SLC7A14: variants seen among roughly 807,000 people sequenced by gnomAD.
The protein encoded by SLC7A14 is gamma-aminobutyric acid transporter SLC7A14.
Under a neutral mutation model 60.2 loss-of-function variants are expected in SLC7A14, and 37 were observed. That is an observed-to-expected ratio of 0.61 (90% CI 0.47 to 0.81). SLC7A14 has a LOEUF of 0.81. Ranked by LOEUF, SLC7A14 falls within the 30% of genes least tolerant of loss-of-function variation. The probability of loss-of-function intolerance (pLI) is 0.00; values close to 1 mark genes in which losing one functional copy is unlikely to be tolerated. For missense variants in SLC7A14, 886 were observed against 982.7 expected, an observed-to-expected ratio of 0.90 and a Z score of 1.32; for synonymous variants, 399 against 395.8, an observed-to-expected ratio of 1.01 and a Z score of -0.10.
chr3:170,461,682 T>G lies in SLC7A14; in HGVS notation c.*5373A>C, dbSNP rs943054422. The G allele has an allele frequency of 6.6e-6, 1 of 152,300 alleles. No homozygotes were observed. The highest frequency in any genetic ancestry group is 6.5e-5 in the Admixed American group (1 of 15,278). The allele number at this position is 152,300 out of a possible 1,614,324, so 9.4% of individuals were successfully genotyped here. ...GGATGCTGTTTCTGCACTTGCTCAC[T>G]GTTGAATTTCAAATACTCTTTCGTG... On this transcript the variant is annotated 3_prime_UTR_variant, in exon 8 of 8. Coordinates refer to ENST00000231706, the MANE Select transcript of SLC7A14 (RefSeq NM_020949.3).
At chr3:170,542,195 G>A (rs1466718208) in intron 1 of SLC7A14, among the ~76,000 whole-genome samples, 5 of 152,142 alleles carry the variant, frequency 3.3e-5, no homozygotes, top group African/African-American at 1.2e-4. Context: ...CACAAAGCTC[G>A]AGCCAACATC....
In SLC7A14 at chr3:170,551,037, A is replaced by T. The variant is rs142583864; in HGVS notation, c.-152-23949T>A. On this transcript the variant is annotated intron_variant, in intron 1 of 7. Coordinates refer to ENST00000231706, the MANE Select transcript of SLC7A14 (RefSeq NM_020949.3). The stretch of plus-strand genomic sequence containing the variant: ...CCCCCTCAAAAATCCCATACCCATG[A>T]GCAGTTACTCTCCATTGCTCCTCCC... Among the ~76,000 whole-genome samples, 257 of 152,274 alleles carry T rather than the reference A, an allele frequency of 1.7e-3. 2 individuals are homozygous for T. The highest frequency in any genetic ancestry group is 5.8e-3 in the African/African-American group (241 of 41,554).
In SLC7A14 at chr3:170,461,584, G is replaced by T. The variant is rs1369801579; in HGVS notation, c.*5471C>A. 1.3e-5 allele frequency: 2 copies of T among 152,230 alleles called. No individual in the cohort carries two copies. The highest frequency in any genetic ancestry group is 2.4e-5 in the African/African-American group (1 of 41,464). 9.4% of individuals were successfully genotyped at this position (152,230 alleles called of 1,614,324 possible). On this transcript the variant is annotated 3_prime_UTR_variant, in exon 8 of 8. Transcript: ENST00000231706. The stretch of plus-strand genomic sequence containing the variant: ...TTTGCTACCCATCCCCATTCCCAGC[G>T]AGAAATACTAAGTAAACTCCTTGGT...
chr3:170,560,710 C>T (rs1714623986), intron 1 of SLC7A14, among the ~76,000 whole-genome samples: 2 of 152,112 alleles, frequency 1.3e-5, no homozygotes, highest in African/African-American at 2.4e-5. Context: ...AAATGTGACC[C>T]GGCATTTGCA....
chr3:170,497,719 T>A (rs576457212), intron 4 of SLC7A14, among the ~76,000 whole-genome samples: 1 of 152,346 alleles, frequency 6.6e-6, no homozygotes, highest in Admixed American at 6.5e-5. Flanking sequence ...ATTTCACCAA[T>A]AAATCCACAA....
chr3:170,512,579 C>T (rs1006130943), intron 2 of SLC7A14, among the ~76,000 whole-genome samples: 1 of 151,462 alleles, frequency 6.6e-6, no homozygotes, highest in Non-Finnish European at 1.5e-5. Flanking sequence ...CTTCTCCTCT[C>T]CCCTTTTCTA....
chr3:170,461,225 T>C lies in SLC7A14; in HGVS notation c.*5830A>G, dbSNP rs1443373479. The C allele has an allele frequency of 1.3e-5, 2 of 152,236 alleles. No homozygotes were observed. The highest frequency in any genetic ancestry group is 2.4e-5 in the African/African-American group (1 of 41,446). 9.4% of individuals were successfully genotyped at this position (152,236 alleles called of 1,614,324 possible). A position where few individuals can be genotyped will look rare whatever the true frequency, so the allele number is the denominator to read the frequency against. On this transcript the variant is annotated 3_prime_UTR_variant, in exon 8 of 8. Transcript: ENST00000231706. ...CACTGCGCCCGGCCCAGTTTAATGA[T>C]TTTGTACACTGTTTTAGTTGATACT...
In SLC7A14 at chr3:170,532,638, C is replaced by G. The variant is rs1236174617; in HGVS notation, c.-152-5550G>C. Among the ~76,000 whole-genome samples the G allele has an allele frequency of 2.0e-5, 3 of 151,776 alleles. No individual in the cohort carries two copies. Among genetic ancestry groups the G allele is most frequent in the Non-Finnish European group, 4.4e-5 (3 of 67,980 alleles). ...ATAGTGCATGCTGTGGGAGCGTTAG[C>G]TAGCATCACCCTGCTGTGGCCCCTG... On this transcript the variant is annotated intron_variant, in intron 1 of 7. Transcript: ENST00000231706. The surrounding 1 kb of genome is among the most constrained non-coding windows in gnomAD (Gnocchi z 4.0).
chr3:170,480,694 G>A lies in SLC7A14; in HGVS notation c.1588C>T (p.Leu530Phe). 1 of 1,614,238 alleles carries A rather than the reference G, an allele frequency of 6.2e-7. No homozygotes were observed. The highest frequency in any genetic ancestry group is 8.5e-7 in the Non-Finnish European group (1 of 1,180,048). ...CCAATCAGCTTCTTTAACTTGATGA[G>A]ATAAATATTTTCGGATTCATCAGCT... ...IEADESENIY[L>F]IKLKKLIGPH... is the part of the protein sequence containing the mutation. The change falls in exon 7 of 8, where the codon CTC becomes TTC. Residue 530 changes from leucine (L) to phenylalanine (F), a missense_variant. Coordinates refer to ENST00000231706, the MANE Select transcript of SLC7A14 (RefSeq NM_020949.3).
intron 2 of SLC7A14, among the ~76,000 whole-genome samples, chr3:170,512,911 G>A: frequency 6.6e-6 from 1 of 152,098 alleles, no homozygotes; most frequent in Non-Finnish European, 1.5e-5. Flanking sequence ...TTTATGGCGT[G>A]AGTGTTGCCA....
At position 170,460,348 on chromosome 3, in the gene SLC7A14, G is replaced by C. The variant is rs1403922717; in HGVS notation, c.*6707C>G. 1 of 152,214 alleles carries C rather than the reference G, an allele frequency of 6.6e-6. No individual in the cohort carries two copies. The highest frequency in any genetic ancestry group is 1.9e-4 in the East Asian group (1 of 5,202). 9.4% of individuals were successfully genotyped at this position (152,214 alleles called of 1,614,324 possible). A position where few individuals can be genotyped will look rare whatever the true frequency, so the allele number is the denominator to read the frequency against. On this transcript the variant is annotated 3_prime_UTR_variant, in exon 8 of 8. Coordinates refer to ENST00000231706, the MANE Select transcript of SLC7A14 (RefSeq NM_020949.3). ...CTGTCATCAGATGATGTGACTACATGGAATGAGGACTATAGCTGCTCTCTT... is the reference window on the plus strand; with the variant it reads ...CTGTCATCAGATGATGTGACTACATCGAATGAGGACTATAGCTGCTCTCTT...
intron 1 of SLC7A14, among the ~76,000 whole-genome samples, chr3:170,529,723 AATAAT>A (rs767130667): frequency 2.2e-4 from 33 of 152,342 alleles, no homozygotes; most frequent in Middle Eastern, 3.4e-3. Flanking sequence ...TGTATATGGA[AATAAT>A]ATCATTATAG....
intron 1 of SLC7A14, among the ~76,000 whole-genome samples, chr3:170,568,537 T>G (rs2108313864): frequency 6.6e-6 from 1 of 152,346 alleles, no homozygotes; most frequent in African/African-American, 2.4e-5. Context: ...TTTTTTCCAG[T>G]TCTGTGAAGA....
chr3:170,558,699 C>CTTCT (rs1714552600), intron 1 of SLC7A14, among the ~76,000 whole-genome samples: 2 of 152,200 alleles, frequency 1.3e-5, no homozygotes, highest in South Asian at 4.1e-4. Flanking sequence ...AACACACCTA[C>CTTCT]TTCATTTAAA....
At chr3:170,504,769 T>A (rs149950890) in intron 2 of SLC7A14, among the ~76,000 whole-genome samples, 2 of 152,236 alleles carry the variant, frequency 1.3e-5, no homozygotes, top group African/African-American at 4.8e-5. Context: ...ACAGCTAAAG[T>A]CAACTCTTAA....
chr3:170,538,444 A>C (rs897721396), intron 1 of SLC7A14, among the ~76,000 whole-genome samples: 4 of 152,204 alleles, frequency 2.6e-5, no homozygotes, highest in Non-Finnish European at 5.9e-5. Context: ...TAAGTCAGAT[A>C]ATTCCAACTA....
At chr3:170,546,686 C>G (rs1360090596) in intron 1 of SLC7A14, among the ~76,000 whole-genome samples, 1 of 152,196 alleles carries the variant, frequency 6.6e-6, no homozygotes, top group African/African-American at 2.4e-5. Flanking sequence ...ATGCTGGTCC[C>G]CTGTGCTCCG....
At chr3:170,477,420 T>G (rs1221448559) in intron 7 of SLC7A14, among the ~76,000 whole-genome samples, 1 of 152,240 alleles carries the variant, frequency 6.6e-6, no homozygotes, top group East Asian at 1.9e-4. Flanking sequence ...GTTCTAATCT[T>G]GGCTCTGCTA....
At chr3:170,538,708 C>A (rs948700012) in intron 1 of SLC7A14, among the ~76,000 whole-genome samples, 1 of 152,104 alleles carries the variant, frequency 6.6e-6, no homozygotes, top group Non-Finnish European at 1.5e-5. Flanking sequence ...AATGTAGAGG[C>A]AAAAAGAAGA....
Sources: allele counts gnomAD v4.1 joint callset (sites outside exome capture counted in the v4.1 genomes callset), GRCh38; gene constraint gnomAD v4.1.1; non-coding constraint Gnocchi (gnomAD v3.1); transcripts MANE v1.5; gene names NCBI Gene and HGNC (gene_info 2026-07-23, HGNC 2026-07-21).